TMTC2: variants seen among roughly 807,000 people sequenced by gnomAD.
The protein encoded by TMTC2 is transmembrane O-mannosyltransferase targeting cadherins 2.
A neutral mutation model predicts 82.4 loss-of-function variants in TMTC2; 43 were observed. The observed-to-expected ratio is 0.52, with a 90% CI of 0.41 to 0.67. The LOEUF (loss-of-function observed/expected upper bound fraction) is 0.67, where lower values mean the gene tolerates loss of function less well. TMTC2 is among the 30% of genes least tolerant of loss of function. The pLI is 0.00. For missense variants in TMTC2, 919 were observed against 1,012.4 expected, an observed-to-expected ratio of 0.91 and a Z score of 1.25; for synonymous variants, 408 against 381.9, an observed-to-expected ratio of 1.07 and a Z score of -0.80.
chr12:82,905,561 A>G (rs60555266), intron 3 of TMTC2, among the ~76,000 whole-genome samples: 5 of 152,356 alleles, frequency 3.3e-5, no homozygotes, highest in Admixed American at 1.3e-4. Flanking sequence ...GTAAAATTTC[A>G]TACATATTTG....
chr12:83,091,834 T>C lies in TMTC2; in HGVS notation c.2331+30003T>C, dbSNP rs373477778. On this transcript the variant is annotated intron_variant, in intron 11 of 11. Transcript: ENST00000321196. ...TTTGTTAAGTTAGATTTTTAATTCA[T>C]ATGGAATTTATTCTTTTATGGTTTC... Among the ~76,000 whole-genome samples the C allele has an allele frequency of 5.9e-5, 9 of 152,352 alleles. 1 individual carries two copies. Among genetic ancestry groups the C allele is most frequent in the Admixed American group, 2.6e-4 (4 of 15,304 alleles).
At chr12:82,850,933 G>A (rs12299141) in intron 1 of TMTC2, among the ~76,000 whole-genome samples, 2,140 of 152,000 alleles carry the variant, frequency 0.014, 43 homozygotes, top group African/African-American at 0.049. Flanking sequence ...GCGTGGTGGC[G>A]TGCTCCTGTA....
At chr12:82,772,029 T>C (rs1220638038) in intron 1 of TMTC2, among the ~76,000 whole-genome samples, 1 of 152,178 alleles carries the variant, frequency 6.6e-6, no homozygotes, top group African/African-American at 2.4e-5. Context: ...CTGCTGTCAA[T>C]TGGATATTTA....
At chr12:82,730,251 C>CACTACT (rs1329459840) in intron 1 of TMTC2, among the ~76,000 whole-genome samples, 1 of 127,498 alleles carries the variant, frequency 7.8e-6, no homozygotes, top group Non-Finnish European at 1.6e-5. Context: ...GCCAAGATTG[C>CACTACT]GCTACTGCAC....
At chr12:82,769,846 G>A (rs920991614) in intron 1 of TMTC2, among the ~76,000 whole-genome samples, 1 of 152,092 alleles carries the variant, frequency 6.6e-6, no homozygotes, top group Non-Finnish European at 1.5e-5. Context: ...CCTGACCTCA[G>A]TGATCCACCT....
intron 1 of TMTC2, among the ~76,000 whole-genome samples, chr12:82,800,381 G>A (rs940235427): frequency 6.6e-6 from 1 of 152,138 alleles, no homozygotes; most frequent in Non-Finnish European, 1.5e-5. Context: ...TCTGCTACAA[G>A]TCCTACGCTG....
At chr12:82,925,579 A>G (rs1875652981) in intron 3 of TMTC2, among the ~76,000 whole-genome samples, 1 of 152,178 alleles carries the variant, frequency 6.6e-6, no homozygotes, top group African/African-American at 2.4e-5. Context: ...CGTTTTTCCA[A>G]CAGCAAGTGC....
intron 1 of TMTC2, among the ~76,000 whole-genome samples, chr12:82,773,871 G>A (rs1255693923): frequency 6.6e-6 from 1 of 151,710 alleles, no homozygotes; most frequent in Non-Finnish European, 1.5e-5. Flanking sequence ...TTTAATTCTG[G>A]CAGTCCAGAG....
chr12:82,717,104 A>G (rs1873937776), intron 1 of TMTC2, among the ~76,000 whole-genome samples: 1 of 152,192 alleles, frequency 6.6e-6, no homozygotes, highest in Non-Finnish European at 1.5e-5. Flanking sequence ...TTGTGTGCCC[A>G]GAAGTTGAGG....
chr12:83,042,873 G>A (rs533833211), intron 9 of TMTC2, among the ~76,000 whole-genome samples: 12 of 152,210 alleles, frequency 7.9e-5, no homozygotes, highest in South Asian at 4.2e-4. Context: ...ACTTGGTCTC[G>A]TGTTCACTTA....
intron 1 of TMTC2, among the ~76,000 whole-genome samples, chr12:82,763,522 G>A (rs1038650931): frequency 2.0e-5 from 3 of 152,268 alleles, no homozygotes; most frequent in East Asian, 3.9e-4. Flanking sequence ...CCCAGCTCTG[G>A]TCTTTTAAAG....
chr12:82,959,486 G>A (rs1264597768), intron 4 of TMTC2, among the ~76,000 whole-genome samples: 2 of 152,106 alleles, frequency 1.3e-5, no homozygotes, highest in East Asian at 1.9e-4. Flanking sequence ...ACATAGACCA[G>A]TGGAACAGAA....
chr12:83,077,828 C>T (rs546902065), intron 11 of TMTC2, among the ~76,000 whole-genome samples: 199 of 151,180 alleles, frequency 1.3e-3, no homozygotes, highest in Admixed American at 2.8e-3. Flanking sequence ...CTACTTCGGC[C>T]TCCCAAAATG....
intron 1 of TMTC2, among the ~76,000 whole-genome samples, chr12:82,762,355 C>G (rs1050966637): frequency 1.3e-5 from 2 of 152,164 alleles, no homozygotes; most frequent in Admixed American, 1.3e-4. Flanking sequence ...TCCCCTACCC[C>G]TCCAATGCTC....
chr12:83,024,508 G>A (rs118186668), intron 8 of TMTC2, among the ~76,000 whole-genome samples: 5 of 152,146 alleles, frequency 3.3e-5, no homozygotes, highest in African/African-American at 9.7e-5. Flanking sequence ...ACTCACTATT[G>A]TAAGAAATTC....
At chr12:82,808,734 C>T (rs115781993) in intron 1 of TMTC2, among the ~76,000 whole-genome samples, 6,998 of 152,076 alleles carry the variant, frequency 0.046, 231 homozygotes, top group Middle Eastern at 0.14. Context: ...TTCAGAATTA[C>T]AGTTTAAGTG....
At chr12:82,929,303 C>T (rs1436467440) in intron 3 of TMTC2, among the ~76,000 whole-genome samples, 5 of 152,094 alleles carry the variant, frequency 3.3e-5, no homozygotes, top group South Asian at 4.1e-4. Flanking sequence ...ACAGTCCACT[C>T]GCCTCATCAG....
At chr12:82,688,747 T>C (rs1320070138) in intron 1 of TMTC2, among the ~76,000 whole-genome samples, 1 of 152,196 alleles carries the variant, frequency 6.6e-6, no homozygotes, top group Non-Finnish European at 1.5e-5. Flanking sequence ...CAGCAGCCTC[T>C]CTGAGCTATG....
At chr12:83,021,072 A>G (rs1158790667) in intron 8 of TMTC2, among the ~76,000 whole-genome samples, 1 of 152,122 alleles carries the variant, frequency 6.6e-6, no homozygotes, top group Non-Finnish European at 1.5e-5. Context: ...TACTTTTTAT[A>G]ATTCTTTTTA....
Sources: gnomAD v4.1 joint callset for allele counts (sites outside exome capture counted in the v4.1 genomes callset) on GRCh38, gnomAD v4.1.1 for gene constraint, MANE v1.5 for transcripts, NCBI Gene and HGNC (gene_info 2026-07-23, HGNC 2026-07-21) for gene names.